Variants in PLCXD3 observed in about 807,000 individuals in gnomAD.
PLCXD3 encodes the protein PI-PLC X domain-containing protein 3.
PLCXD3 carries 19 observed loss-of-function variants against 25.5 expected under a neutral mutation model. The ratio of observed to expected loss-of-function variants is 0.75; its 90% confidence interval spans 0.52 to 1.09. The LOEUF is 1.09. Among genes scored for constraint, PLCXD3 ranks in the 50% least tolerant of loss-of-function variants. PLCXD3 has a pLI of 0.00. For missense variants in PLCXD3, 411 were observed against 388.1 expected (o/e 1.06, Z -0.50); for synonymous variants, 174 against 137.6 (o/e 1.26, Z -1.85).
At chr5:41,421,707 AC>A (rs1414136650) in intron 1 of PLCXD3, among the ~76,000 whole-genome samples, 3 of 152,324 alleles carry the variant, frequency 2.0e-5, no homozygotes, top group South Asian at 2.1e-4. Flanking sequence ...TCTCAAAAAA[AC>A]AAAACAAAAC....
intron 2 of PLCXD3, among the ~76,000 whole-genome samples, chr5:41,328,370 T>A (rs182628093): frequency 1.2e-3 from 177 of 152,082 alleles, no homozygotes; most frequent in Non-Finnish European, 2.0e-3. Context: ...TAAAAATGAG[T>A]CTGCAGGATT....
chr5:41,418,874 T>G (rs919094938), intron 1 of PLCXD3, among the ~76,000 whole-genome samples: 3 of 152,194 alleles, frequency 2.0e-5, no homozygotes, highest in Non-Finnish European at 4.4e-5. Context: ...TTATGATCTG[T>G]TCCACCTCAG....
intron 2 of PLCXD3, among the ~76,000 whole-genome samples, chr5:41,332,547 G>A (rs1743851209): frequency 6.6e-6 from 1 of 152,046 alleles, no homozygotes; most frequent in Non-Finnish European, 1.5e-5. Context: ...GATTCCTCAG[G>A]GATCTAGAAC....
intron 2 of PLCXD3, among the ~76,000 whole-genome samples, chr5:41,325,626 A>T (rs1166920889): frequency 6.6e-6 from 1 of 152,170 alleles, no homozygotes; most frequent in African/African-American, 2.4e-5. Context: ...TGCCATTGAT[A>T]ATGTATGATG....
chr5:41,334,756 A>G (rs922059726), intron 2 of PLCXD3, among the ~76,000 whole-genome samples: 4 of 152,154 alleles, frequency 2.6e-5, no homozygotes, highest in Non-Finnish European at 5.9e-5. Context: ...ATAAACTACA[A>G]GAAAAAATGG....
At chr5:41,321,894 T>C (rs1202034695) in intron 2 of PLCXD3, among the ~76,000 whole-genome samples, 1 of 152,172 alleles carries the variant, frequency 6.6e-6, no homozygotes. Flanking sequence ...ACTTGGCCAC[T>C]ATCTCTCACC....
chr5:41,486,839 G>A (rs932456453), intron 1 of PLCXD3, among the ~76,000 whole-genome samples: 2 of 152,172 alleles, frequency 1.3e-5, no homozygotes, highest in African/African-American at 4.8e-5. Context: ...TTTTAGAGCT[G>A]AGAAAATAGC....
intron 1 of PLCXD3, among the ~76,000 whole-genome samples, chr5:41,444,171 T>C (rs1489402511): frequency 6.6e-6 from 1 of 152,174 alleles, no homozygotes; most frequent in African/African-American, 2.4e-5. Context: ...CTATTGTTTG[T>C]CTAGTATTTT....
chr5:41,352,686 A>G, intron 2 of PLCXD3, among the ~76,000 whole-genome samples: 1 of 152,240 alleles, frequency 6.6e-6, no homozygotes, highest in East Asian at 1.9e-4. Context: ...TTATCCAAGT[A>G]TAAAACAAAT....
intron 2 of PLCXD3, among the ~76,000 whole-genome samples, chr5:41,380,411 G>T (rs1745420664): frequency 1.3e-5 from 2 of 151,914 alleles, no homozygotes. Flanking sequence ...CCTATTAACT[G>T]CTCGCTCTCT....
chr5:41,370,771 G>A (rs540343015), intron 2 of PLCXD3, among the ~76,000 whole-genome samples: 33 of 152,170 alleles, frequency 2.2e-4, no homozygotes, highest in Non-Finnish European at 4.6e-4. Flanking sequence ...CTCTGTGAAA[G>A]AGGACAACAA....
At chr5:41,467,322 C>T (rs1463031375) in intron 1 of PLCXD3, among the ~76,000 whole-genome samples, 4 of 152,172 alleles carry the variant, frequency 2.6e-5, no homozygotes, top group African/African-American at 9.7e-5. Flanking sequence ...AGCATTTTCT[C>T]ATATTCCTGT....
intron 1 of PLCXD3, among the ~76,000 whole-genome samples, chr5:41,429,405 C>G (rs969922408): frequency 1.3e-5 from 2 of 151,294 alleles, no homozygotes; most frequent in East Asian, 3.9e-4. Flanking sequence ...GGAGAGAAGG[C>G]GGAGGAGAGA....
chr5:41,465,197 A>T (rs1747984992), intron 1 of PLCXD3, among the ~76,000 whole-genome samples: 1 of 151,846 alleles, frequency 6.6e-6, no homozygotes, highest in Non-Finnish European at 1.5e-5. Context: ...CTTCGCAGTT[A>T]TTCTGGGTTT....
intron 2 of PLCXD3, among the ~76,000 whole-genome samples, chr5:41,315,870 G>C (rs1008362858): frequency 2.6e-5 from 4 of 152,222 alleles, no homozygotes; most frequent in Non-Finnish European, 5.9e-5. Context: ...GGCCTAGCCA[G>C]AGAGGGAATC....
intron 1 of PLCXD3, among the ~76,000 whole-genome samples, chr5:41,507,931 CT>C (rs988354262): frequency 1.3e-5 from 2 of 152,266 alleles, no homozygotes; most frequent in African/African-American, 2.4e-5. Context: ...GTTTGAATAT[CT>C]TTTTTTCCTC....
At chr5:41,397,949 T>A (rs548052976) in intron 1 of PLCXD3, among the ~76,000 whole-genome samples, 1 of 152,360 alleles carries the variant, frequency 6.6e-6, no homozygotes, top group South Asian at 2.1e-4. Context: ...CCAATGCCTA[T>A]TGCATCTTGG....
At chr5:41,392,132 G>C (rs1745845204) in intron 1 of PLCXD3, among the ~76,000 whole-genome samples, 1 of 152,314 alleles carries the variant, frequency 6.6e-6, no homozygotes, top group African/African-American at 2.4e-5. Context: ...GTACCTGTCT[G>C]CTCTGAAGGG....
intron 1 of PLCXD3, among the ~76,000 whole-genome samples, chr5:41,402,513 G>T (rs1295868566): frequency 6.6e-6 from 1 of 151,330 alleles, no homozygotes; most frequent in East Asian, 1.9e-4. Context: ...TTTTTCATGT[G>T]TGCTTTAAAA....
Sources: gnomAD v4.1 joint callset for allele counts (sites outside exome capture counted in the v4.1 genomes callset) on GRCh38, gnomAD v4.1.1 for gene constraint, MANE v1.5 for transcripts, NCBI Gene and HGNC (gene_info 2026-07-23, HGNC 2026-07-21) for gene names.